The following RCBTB1 variants were observed in gnomAD, a reference collection of about 807,000 sequenced individuals.
The protein encoded by RCBTB1 is RCC1 and BTB domain containing protein 1, also known as RCC1 and BTB domain-containing protein 1.
Under a neutral mutation model 62.4 loss-of-function variants are expected in RCBTB1, and 46 were observed. The ratio of observed to expected loss-of-function variants is 0.74; its 90% CI spans 0.58 to 0.94. The LOEUF (loss-of-function observed/expected upper bound fraction) is 0.94. Among genes scored for constraint, RCBTB1 ranks in the 40% least tolerant of loss-of-function variants. The pLI is 0.00. For synonymous variants in RCBTB1, 222 were observed against 245.8 expected (o/e 0.90, Z 0.91); for missense variants, 565 against 654.9 (o/e 0.86, Z 1.50).
intron 2 of RCBTB1, among the ~76,000 whole-genome samples, chr13:49,578,024 G>T (rs1963887543): frequency 6.6e-6 from 1 of 152,170 alleles, no homozygotes; most frequent in Non-Finnish European, 1.5e-5. Flanking sequence ...TAATGAGCTA[G>T]TGATAAAATC....
At chr13:49,564,393 T>C (rs1391943673) in intron 4 of RCBTB1, among the ~76,000 whole-genome samples, 2 of 151,312 alleles carry the variant, frequency 1.3e-5, no homozygotes. Flanking sequence ...CAGACCAACC[T>C]GGCCAATATG....
chr13:49,562,326 T>A, intron 4 of RCBTB1, among the ~76,000 whole-genome samples: 1 of 150,856 alleles, frequency 6.6e-6, no homozygotes, highest in Admixed American at 6.6e-5. Flanking sequence ...AGAACATTTT[T>A]AAAAAATCAT....
At chr13:49,536,995 A>G (rs940406488) in intron 12 of RCBTB1, among the ~76,000 whole-genome samples, 2 of 152,232 alleles carry the variant, frequency 1.3e-5, no homozygotes. Context: ...CAAAACACAG[A>G]GCATTGATGG....
At chr13:49,535,533 G>A (rs940084037) in intron 12 of RCBTB1, among the ~76,000 whole-genome samples, 4 of 151,692 alleles carry the variant, frequency 2.6e-5, no homozygotes, top group Non-Finnish European at 4.4e-5. Context: ...GGTTTTGACC[G>A]CACATTTCCA....
intron 1 of RCBTB1, among the ~76,000 whole-genome samples, chr13:49,585,044 C>T (rs1964316415): frequency 6.6e-6 from 1 of 152,124 alleles, no homozygotes; most frequent in Non-Finnish European, 1.5e-5. Context: ...AGGAGAGATG[C>T]TAAGATCTTG....
intron 9 of RCBTB1, among the ~76,000 whole-genome samples, chr13:49,548,634 A>G (rs770524677): frequency 6.6e-6 from 1 of 152,086 alleles, no homozygotes; most frequent in Non-Finnish European, 1.5e-5. Context: ...ATAAAAGGGA[A>G]TGAAATACAG....
Position 49,563,527 on chromosome 13 carries a change from G to C in RCBTB1, c.277+3091C>G, listed in dbSNP as rs118167683. On this transcript the variant is annotated intron_variant, in intron 4 of 12. Transcript: ENST00000378302. ...AAAACACAAAAATTAGCCAGGCATG[G>C]TAGCATATGCCTCTAATTGTACTTC... Among the ~76,000 whole-genome samples, 164 of 152,190 alleles carry C rather than the reference G, an allele frequency of 1.1e-3. 2 individuals are homozygous for C. The East Asian group carries it at 0.028, about 26-fold the overall frequency.
At chr13:49,548,900 T>C (rs1407272631) in intron 9 of RCBTB1, among the ~76,000 whole-genome samples, 1 of 98,604 alleles carries the variant, frequency 1.0e-5, no homozygotes, top group East Asian at 3.2e-4. Context: ...CCAGGCACAG[T>C]GGCAGGTGGA....
chr13:49,543,074 C>T (rs1960511777), intron 10 of RCBTB1, among the ~76,000 whole-genome samples: 2 of 152,150 alleles, frequency 1.3e-5, no homozygotes, highest in African/African-American at 4.8e-5. Flanking sequence ...ACCGGCCTGG[C>T]CAACATGGCG....
intron 4 of RCBTB1, among the ~76,000 whole-genome samples, chr13:49,564,305 G>A (rs567457227): frequency 4.6e-5 from 7 of 152,252 alleles, no homozygotes; most frequent in Admixed American, 2.0e-4. Flanking sequence ...AAAATGTACC[G>A]GCCGGGCACA....
At chr13:49,536,774 T>A in intron 12 of RCBTB1, among the ~76,000 whole-genome samples, 1 of 152,222 alleles carries the variant, frequency 6.6e-6, no homozygotes, top group African/African-American at 2.4e-5. Flanking sequence ...TATGACGTTA[T>A]GTGGCAGAAC....
At chr13:49,543,924 T>C (rs759397614) in intron 10 of RCBTB1, among the ~76,000 whole-genome samples, 1 of 152,156 alleles carries the variant, frequency 6.6e-6, no homozygotes, top group Non-Finnish European at 1.5e-5. Context: ...TAGGATCAAG[T>C]GATATTCCCG....
In RCBTB1 at chr13:49,534,084, C is replaced by T. The variant is rs764785957; in HGVS notation, c.*38G>A. ...CAAACTGGACACATCCTCAACAGTG[C>T]CCCAGAGCACTCACACAGAACCCAG... On this transcript the variant is annotated 3_prime_UTR_variant, in exon 13 of 13. Coordinates refer to ENST00000378302, the MANE Select transcript of RCBTB1 (RefSeq NM_018191.4). 3.7e-6 allele frequency: 6 copies of T among 1,601,314 alleles called. No homozygotes were observed. The highest frequency in any genetic ancestry group is 3.4e-5 in the Admixed American group (2 of 58,250).
intron 4 of RCBTB1, among the ~76,000 whole-genome samples, chr13:49,563,082 A>G (rs1962578962): frequency 6.6e-6 from 1 of 151,916 alleles, no homozygotes; most frequent in African/African-American, 2.4e-5. Context: ...AAGCTTCCAA[A>G]GAGGAAAAAA....
At chr13:49,558,118 C>T (rs1962099712) in intron 5 of RCBTB1, among the ~76,000 whole-genome samples, 1 of 152,230 alleles carries the variant, frequency 6.6e-6, no homozygotes, top group African/African-American at 2.4e-5. Context: ...GTCTGCATGT[C>T]CCATGTCTGT....
intron 12 of RCBTB1, among the ~76,000 whole-genome samples, chr13:49,535,591 A>G (rs141396616): frequency 2.0e-5 from 3 of 152,224 alleles, no homozygotes; most frequent in African/African-American, 7.2e-5. Context: ...GGCCCACACA[A>G]ACATGGAGAG....
intron 10 of RCBTB1, among the ~76,000 whole-genome samples, chr13:49,543,221 G>A (rs984550402): frequency 6.6e-6 from 1 of 151,884 alleles, no homozygotes; most frequent in Non-Finnish European, 1.5e-5. Context: ...CTGGTATTAC[G>A]CCACTGCACT....
intron 1 of RCBTB1, among the ~76,000 whole-genome samples, chr13:49,583,518 C>A (rs1964222761): frequency 6.6e-6 from 1 of 152,026 alleles, no homozygotes; most frequent in Non-Finnish European, 1.5e-5. Context: ...CATCATACCC[C>A]TCTTGTGCAT....
Position 49,552,192 on chromosome 13 carries a change from C to T in RCBTB1, c.697G>A (p.Val233Met), listed in dbSNP as rs139445321. Reference protein sequence around the residue: ...TPVRVAALHSVCVNQIVCGYA... With the variant: ...TPVRVAALHSMCVNQIVCGYA... Reference sequence around the variant, plus strand: ...ACCACACGTACCTGGTTCACACACACGCTGTGCAAAGCTGCCACTCTCACA... The same window carrying T: ...ACCACACGTACCTGGTTCACACACATGCTGTGCAAAGCTGCCACTCTCACA... Residue 233 changes from valine to methionine, a missense_variant, in exon 7 of 13, where the codon GTG becomes ATG. Val to Met is a conservative substitution (Grantham distance 21, BLOSUM62 1). Coordinates refer to ENST00000378302, the MANE Select transcript of RCBTB1 (RefSeq NM_018191.4). 32 of 1,581,190 alleles carry T rather than the reference C, an allele frequency of 2.0e-5. No homozygotes were observed. The highest frequency in any genetic ancestry group is 1.2e-4 in the African/African-American group (9 of 74,450).
Sources: allele counts gnomAD v4.1 joint callset (sites outside exome capture counted in the v4.1 genomes callset), GRCh38; gene constraint gnomAD v4.1.1; transcripts MANE v1.5; gene names NCBI Gene and HGNC (gene_info 2026-07-23, HGNC 2026-07-21).